The following NARS2 variants were observed in gnomAD, a reference collection of about 807,000 sequenced individuals.
The protein encoded by NARS2 is asparaginyl-tRNA synthetase 2, mitochondrial.
In NARS2, 60 loss-of-function variants were observed where a neutral mutation model predicts 62.9. The observed-to-expected ratio is 0.95, with a 90% CI of 0.77 to 1.18. The LOEUF is 1.18. NARS2 is among the 50% of genes most tolerant of loss of function. The pLI, the probability that NARS2 is intolerant of heterozygous loss-of-function variation, is 0.00. For synonymous variants in NARS2, 196 were observed against 200.0 expected (o/e 0.98, Z 0.17); for missense variants, 619 against 576.4 (o/e 1.07, Z -0.76).
intron 6 of NARS2, among the ~76,000 whole-genome samples, chr11:78,517,940 G>T (rs1860973004): frequency 6.6e-6 from 1 of 152,056 alleles, no homozygotes; most frequent in Non-Finnish European, 1.5e-5. Context: ...CACACATTCA[G>T]TTAACAATAA....
intron 5 of NARS2, among the ~76,000 whole-genome samples, chr11:78,538,371 G>C (rs1361216672): frequency 6.6e-6 from 1 of 152,130 alleles, no homozygotes; most frequent in Non-Finnish European, 1.5e-5. Context: ...ACATGAGAGA[G>C]AGCAATAAAT....
chr11:78,572,750 C>T (rs907093876), intron 1 of NARS2, among the ~76,000 whole-genome samples: 3 of 152,068 alleles, frequency 2.0e-5, no homozygotes, highest in Non-Finnish European at 4.4e-5. Flanking sequence ...TTTTTGTGGC[C>T]ACGTTAAACA....
chr11:78,446,382 G>A (rs1204225322), intron 11 of NARS2, among the ~76,000 whole-genome samples: 1 of 152,188 alleles, frequency 6.6e-6, no homozygotes, highest in African/African-American at 2.4e-5. Flanking sequence ...TAATATGGCT[G>A]GGCTCTAATC....
At chr11:78,563,851 A>AATATATATAT (rs1335259135) in intron 4 of NARS2, among the ~76,000 whole-genome samples, 15 of 34,014 alleles carry the variant, frequency 4.4e-4, no homozygotes, top group African/African-American at 1.2e-3. Context: ...AAAAAAAAAA[A>AATATATATAT]ATATATATAT....
intron 6 of NARS2, among the ~76,000 whole-genome samples, chr11:78,503,394 C>T (rs920629215): frequency 4.6e-5 from 7 of 152,220 alleles, no homozygotes; most frequent in Admixed American, 2.0e-4. Flanking sequence ...CGTGCCACCA[C>T]GCCCAGCTAA....
intron 4 of NARS2, among the ~76,000 whole-genome samples, chr11:78,560,339 A>G (rs530558876): frequency 3.9e-5 from 6 of 152,306 alleles, no homozygotes; most frequent in African/African-American, 1.4e-4. Flanking sequence ...CTTCCGAACA[A>G]AAGTCTGAGA....
intron 6 of NARS2, among the ~76,000 whole-genome samples, chr11:78,507,055 T>A (rs1860529040): frequency 6.6e-6 from 1 of 151,938 alleles, no homozygotes; most frequent in African/African-American, 2.4e-5. Context: ...GAAAAAAGGA[T>A]CCTCCAAATA....
chr11:78,487,057 CA>C (rs1859605100), intron 7 of NARS2, among the ~76,000 whole-genome samples: 1 of 151,710 alleles, frequency 6.6e-6, no homozygotes, highest in African/African-American at 2.4e-5. Context: ...TTCTGAATTA[CA>C]GAAAGAAAAA....
At chr11:78,551,350 T>C (rs1398892445) in intron 5 of NARS2, among the ~76,000 whole-genome samples, 7 of 152,184 alleles carry the variant, frequency 4.6e-5, no homozygotes, top group Admixed American at 1.3e-4. Context: ...CTGAATACTT[T>C]GGCAATTGTA....
At chr11:78,572,739 CT>C (rs1856975613) in intron 1 of NARS2, among the ~76,000 whole-genome samples, 1 of 152,112 alleles carries the variant, frequency 6.6e-6, no homozygotes, top group African/African-American at 2.4e-5. Context: ...TTTAAAATTT[CT>C]TTTTGTGGCC....
At chr11:78,447,897 G>A (rs12271198) in intron 11 of NARS2, among the ~76,000 whole-genome samples, 34,003 of 151,898 alleles carry the variant, frequency 0.22, 4,100 homozygotes, top group East Asian at 0.41. Context: ...AGTTTCAGAT[G>A]GACAGAGGAA....
chr11:78,445,580 C>A (rs1422929060), intron 11 of NARS2, among the ~76,000 whole-genome samples: 4 of 152,200 alleles, frequency 2.6e-5, no homozygotes, highest in African/African-American at 7.2e-5. Context: ...CAAGATCATG[C>A]CACTGTACTC....
intron 5 of NARS2, among the ~76,000 whole-genome samples, chr11:78,552,919 C>A (rs968862448): frequency 6.6e-6 from 1 of 152,182 alleles, no homozygotes; most frequent in African/African-American, 2.4e-5. Flanking sequence ...TTGGAGTTCA[C>A]AATATTTGGG....
At chr11:78,481,791 C>T (rs1357720725) in intron 7 of NARS2, among the ~76,000 whole-genome samples, 4 of 152,062 alleles carry the variant, frequency 2.6e-5, no homozygotes, top group African/African-American at 4.8e-5. Context: ...TATAAAGATG[C>T]TAATTTCCAA....
chr11:78,536,574 C>T (rs1226883532), intron 5 of NARS2, among the ~76,000 whole-genome samples: 1 of 151,900 alleles, frequency 6.6e-6, no homozygotes, highest in Non-Finnish European at 1.5e-5. Flanking sequence ...TAGAAAAAAG[C>T]TTATAGAATA....
chr11:78,466,351 C>A (rs780959997), intron 10 of NARS2, among the ~76,000 whole-genome samples: 7 of 144,368 alleles, frequency 4.8e-5, no homozygotes, highest in Non-Finnish European at 9.0e-5. Flanking sequence ...AAAAACCTGA[C>A]TTCAGAATCA....
At chr11:78,552,059 T>C (rs1045416666) in intron 5 of NARS2, among the ~76,000 whole-genome samples, 17 of 151,978 alleles carry the variant, frequency 1.1e-4, no homozygotes, top group Non-Finnish European at 2.5e-4. Context: ...TAAACACGTG[T>C]CATGGGAGTT....
At chr11:78,516,838 A>G (rs909584833) in intron 6 of NARS2, among the ~76,000 whole-genome samples, 1 of 152,244 alleles carries the variant, frequency 6.6e-6, no homozygotes. Flanking sequence ...ACAAAATTAA[A>G]TAAGACAATC....
intron 11 of NARS2, among the ~76,000 whole-genome samples, chr11:78,452,158 G>T (rs1372358878): frequency 6.6e-6 from 1 of 151,820 alleles, no homozygotes; most frequent in Admixed American, 6.6e-5. Flanking sequence ...TGCCAGGCTG[G>T]AGTGTAGTGG....
Sources: allele counts gnomAD v4.1 joint callset (sites outside exome capture counted in the v4.1 genomes callset), GRCh38; gene constraint gnomAD v4.1.1; transcripts MANE v1.5; gene names NCBI Gene and HGNC (gene_info 2026-07-23, HGNC 2026-07-21).